Variants in LRRC4C observed in about 807,000 individuals in gnomAD.
LRRC4C encodes leucine rich repeat containing 4C.
Under a neutral mutation model 33.6 loss-of-function variants are expected in LRRC4C, and 5 were observed. The observed-to-expected ratio is 0.15, with a 90% confidence interval of 0.08 to 0.31. LRRC4C has a LOEUF of 0.31. Among genes scored for constraint, LRRC4C ranks in the 10% least tolerant of loss-of-function variants. The pLI is 1.00. For synonymous variants in LRRC4C, 329 were observed against 302.0 expected (o/e 1.09, Z -0.93); for missense variants, 560 against 796.7 (o/e 0.70, Z 3.58).
intron 2 of LRRC4C, among the ~76,000 whole-genome samples, chr11:40,800,505 A>G (rs962526853): frequency 8.5e-5 from 13 of 152,228 alleles, no homozygotes; most frequent in African/African-American, 2.9e-4. Flanking sequence ...ATTTCAACTC[A>G]CAATCACACT....
chr11:40,666,827 T>A (rs758193152), intron 2 of LRRC4C, among the ~76,000 whole-genome samples: 7 of 152,130 alleles, frequency 4.6e-5, no homozygotes, highest in Non-Finnish European at 8.8e-5. Flanking sequence ...AGTCTTAGAG[T>A]TGCATAGGCT....
chr11:41,165,602 C>T (rs1484956827), intron 1 of LRRC4C, among the ~76,000 whole-genome samples: 1 of 152,142 alleles, frequency 6.6e-6, no homozygotes, highest in Non-Finnish European at 1.5e-5. Flanking sequence ...AAATTCCTCG[C>T]TCTACTATGC....
chr11:41,059,889 G>A (rs1025881775), intron 1 of LRRC4C, among the ~76,000 whole-genome samples: 4 of 152,072 alleles, frequency 2.6e-5, no homozygotes, highest in Non-Finnish European at 5.9e-5. Context: ...GTCAGGCATG[G>A]TGGCACGCAC....
intron 3 of LRRC4C, among the ~76,000 whole-genome samples, chr11:40,561,910 A>T (rs1957565488): frequency 6.6e-6 from 1 of 152,166 alleles, no homozygotes; most frequent in Admixed American, 6.6e-5. Context: ...GTAATCTGTT[A>T]CTCCATAATG....
chr11:40,393,402 A>G (rs1949412508), intron 3 of LRRC4C, among the ~76,000 whole-genome samples: 1 of 152,160 alleles, frequency 6.6e-6, no homozygotes, highest in African/African-American at 2.4e-5. Context: ...CTGAAGATTT[A>G]TGAGGAATCT....
chr11:40,386,811 G>T (rs1304083861), intron 3 of LRRC4C, among the ~76,000 whole-genome samples: 1 of 152,008 alleles, frequency 6.6e-6, no homozygotes, highest in Admixed American at 6.6e-5. Context: ...TCTCTTACCA[G>T]GCACAGCTTA....
At chr11:40,964,364 T>A (rs1295525127) in intron 1 of LRRC4C, among the ~76,000 whole-genome samples, 1 of 151,836 alleles carries the variant, frequency 6.6e-6, no homozygotes, top group Admixed American at 6.6e-5. Context: ...AAGGGTAGTT[T>A]TTTTTTAATT....
intron 2 of LRRC4C, among the ~76,000 whole-genome samples, chr11:40,897,600 C>T (rs1281651143): frequency 6.6e-6 from 1 of 152,130 alleles, no homozygotes; most frequent in East Asian, 1.9e-4. Context: ...AATGACTTTG[C>T]TTATCCAAAA....
At chr11:41,032,137 A>G (rs1198491654) in intron 1 of LRRC4C, among the ~76,000 whole-genome samples, 1 of 151,996 alleles carries the variant, frequency 6.6e-6, no homozygotes, top group Non-Finnish European at 1.5e-5. Flanking sequence ...CTGCAGTTTG[A>G]TGGACTTGTG....
chr11:40,501,284 G>T (rs1371578007), intron 3 of LRRC4C, among the ~76,000 whole-genome samples: 1 of 152,148 alleles, frequency 6.6e-6, no homozygotes, highest in East Asian at 1.9e-4. Context: ...TGTCGGTGGA[G>T]CTACCATTCT....
rs112023203 is a variant in LRRC4C at position 41,451,176 on chromosome 11, C to T, written c.-496+8255G>A. The stretch of plus-strand genomic sequence containing the variant: ...ACAAATTTTGAATAAATGACACCAT[C>T]GAAATGACTACAGAAGCAAAAGAAT... On this transcript the variant is annotated intron_variant, in intron 1 of 6. Coordinates refer to ENST00000528697, the MANE Select transcript of LRRC4C (RefSeq NM_001258419.2). 3.3e-5 allele frequency among the ~76,000 whole-genome samples: 5 copies of T among 152,158 alleles called. No individual in the cohort carries two copies. The East Asian group carries it at 5.8e-4, about 18-fold the overall frequency.
intron 1 of LRRC4C, among the ~76,000 whole-genome samples, chr11:41,040,251 GTGTA>G (rs957592721): frequency 2.0e-5 from 3 of 151,582 alleles, no homozygotes; most frequent in African/African-American, 7.3e-5. Context: ...ATTCTTCACT[GTGTA>G]TGTGTTTATA....
chr11:40,240,038 C>T (rs914825706), intron 5 of LRRC4C, among the ~76,000 whole-genome samples: 7 of 152,168 alleles, frequency 4.6e-5, no homozygotes, highest in Admixed American at 3.9e-4. Flanking sequence ...GTGACTCATA[C>T]ATAGGTAACA....
intron 1 of LRRC4C, among the ~76,000 whole-genome samples, chr11:41,079,966 T>G (rs1939443079): frequency 6.6e-6 from 1 of 152,164 alleles, no homozygotes; most frequent in African/African-American, 2.4e-5. Context: ...ATGTCCATTT[T>G]CTTTCAAGGT....
intron 1 of LRRC4C, among the ~76,000 whole-genome samples, chr11:41,018,517 T>C (rs1008908362): frequency 2.6e-5 from 4 of 152,182 alleles, no homozygotes; most frequent in African/African-American, 7.2e-5. Context: ...CAGCTTTTTA[T>C]TTTCCTTTGT....
At chr11:41,221,064 T>A (rs1947284204) in intron 1 of LRRC4C, among the ~76,000 whole-genome samples, 1 of 152,216 alleles carries the variant, frequency 6.6e-6, no homozygotes, top group Non-Finnish European at 1.5e-5. Context: ...TGGAGGTTTG[T>A]GGTACAAATT....
chr11:41,300,207 T>C (rs1293327639), intron 1 of LRRC4C, among the ~76,000 whole-genome samples: 1 of 152,184 alleles, frequency 6.6e-6, no homozygotes, highest in Non-Finnish European at 1.5e-5. Context: ...TTTAATTGCA[T>C]GTTAAAATTT....
intron 3 of LRRC4C, among the ~76,000 whole-genome samples, chr11:40,347,494 A>C (rs184455643): frequency 1.3e-5 from 2 of 152,046 alleles, no homozygotes; most frequent in East Asian, 3.9e-4. Flanking sequence ...TTTTTCTTTG[A>C]TTTCACAACT....
At chr11:40,123,998 C>A (rs775322590) in intron 6 of LRRC4C, among the ~76,000 whole-genome samples, 1 of 152,054 alleles carries the variant, frequency 6.6e-6, no homozygotes, top group Non-Finnish European at 1.5e-5. Flanking sequence ...AAAGGACAGT[C>A]TCTTTAATAA....
Sources: gnomAD v4.1 joint callset for allele counts (sites outside exome capture counted in the v4.1 genomes callset) on GRCh38, gnomAD v4.1.1 for gene constraint, MANE v1.5 for transcripts, NCBI Gene and HGNC (gene_info 2026-07-23, HGNC 2026-07-21) for gene names.